Variants in PCDHGA11 observed in about 807,000 individuals in gnomAD.
The protein encoded by PCDHGA11 is protocadherin gamma subfamily A, 11, also known as protocadherin gamma-A11.
A neutral mutation model predicts 60.4 loss-of-function variants in PCDHGA11; 39 were observed. That is an observed-to-expected ratio of 0.65 (90% CI 0.50 to 0.84). The LOEUF (loss-of-function observed/expected upper bound fraction) is 0.84, where lower values mean the gene tolerates loss of function less well. Among genes scored for constraint, PCDHGA11 ranks in the 40% least tolerant of loss-of-function variants. The probability of loss-of-function intolerance (pLI) is 0.00; values close to 1 mark genes in which losing one functional copy is unlikely to be tolerated. For synonymous variants in PCDHGA11, 533 were observed against 510.3 expected (o/e 1.04, Z -0.60); for missense variants, 1,165 against 1,197.7 (o/e 0.97, Z 0.40).
intron 1 of PCDHGA11, chr5:141,427,922 G>A: frequency 6.3e-7 from 1 of 1,580,742 alleles, no homozygotes; most frequent in Non-Finnish European, 8.6e-7. Flanking sequence ...ACATGAGCCG[G>A]CGCATGTTGG....
chr5:141,473,479 G>A (rs1417960508), intron 1 of PCDHGA11, among the ~76,000 whole-genome samples: 1 of 152,118 alleles, frequency 6.6e-6, no homozygotes, highest in Non-Finnish European at 1.5e-5. Flanking sequence ...AAGTTCAATG[G>A]AAAAAATATA....
rs148331367 is a variant in PCDHGA11 at position 141,435,055 on chromosome 5, A to C, written c.2433+11395A>C. ...TTTATTTTTTTCCCATTGACCATGC[A>C]GCAGTTTTGTGTAGACCGTCTGATA... On this transcript the variant is annotated intron_variant, in intron 1 of 3. Transcript: ENST00000398587. Among the ~76,000 whole-genome samples, 21 of 152,242 alleles carry C rather than the reference A, an allele frequency of 1.4e-4. No individual in the cohort carries two copies. The East Asian group carries it at 4.0e-3, about 29-fold the overall frequency.
At chr5:141,499,548 A>G (rs1312910986) in intron 2 of PCDHGA11, among the ~76,000 whole-genome samples, 3 of 152,226 alleles carry the variant, frequency 2.0e-5, no homozygotes, top group African/African-American at 7.2e-5. Flanking sequence ...ATGAACCTGT[A>G]TGATACCACT....
At chr5:141,500,185 TTTA>T (rs549090582) in intron 2 of PCDHGA11, among the ~76,000 whole-genome samples, 1 of 55,104 alleles carries the variant, frequency 1.8e-5, no homozygotes, top group Non-Finnish European at 3.2e-5. Flanking sequence ...CATTTTTATT[TTTA>T]TTTATTTATT....
chr5:141,510,840 A>C (rs2099882997), intron 3 of PCDHGA11, 107 bp from the exon 4 acceptor site: 1 of 1,588,450 alleles, frequency 6.3e-7, no homozygotes, highest in Non-Finnish European at 8.6e-7. Context: ...CAGCGTGGTC[A>C]AGGCCCAGGG....
At chr5:141,447,798 A>G (rs2098551922) in intron 1 of PCDHGA11, among the ~76,000 whole-genome samples, 2 of 152,230 alleles carry the variant, frequency 1.3e-5, no homozygotes, top group Admixed American at 1.3e-4. Context: ...TTAAGAAAAT[A>G]AAATTGGCTG....
intron 1 of PCDHGA11, among the ~76,000 whole-genome samples, chr5:141,481,065 A>AAAAG (rs1476331686): frequency 6.6e-6 from 1 of 152,164 alleles, no homozygotes; most frequent in African/African-American, 2.4e-5. Context: ...CTCAAAAACA[A>AAAAG]AAAGAAAGAA....
chr5:141,502,667 T>G (rs2099815574), intron 2 of PCDHGA11, among the ~76,000 whole-genome samples: 1 of 152,236 alleles, frequency 6.6e-6, no homozygotes. Context: ...TTCATGCAAT[T>G]TTAGTATTCC....
Position 141,431,592 on chromosome 5 carries a change from G to A in PCDHGA11, c.2433+7932G>A, listed in dbSNP as rs1429358254. 2.5e-6 allele frequency: 4 copies of A among 1,614,100 alleles called. No individual in the cohort carries two copies. The Admixed American group carries it at 6.7e-5, about 27-fold the overall frequency. The stretch of plus-strand genomic sequence containing the variant: ...GACGAAGGAGTCAATGCGGAAGTGA[G>A]GTATTCCTTCCGGTATGTGGACGAC... On this transcript the variant is annotated intron_variant, in intron 1 of 3. Transcript: ENST00000398587. The surrounding 1 kb of genome is among the most constrained non-coding windows in gnomAD (Gnocchi z 4.8).
intron 1 of PCDHGA11, among the ~76,000 whole-genome samples, chr5:141,456,101 G>A (rs1231843666): frequency 6.6e-6 from 1 of 151,970 alleles, no homozygotes; most frequent in African/African-American, 2.4e-5. Context: ...ATTTCACCGT[G>A]TTAGCCAGGA....
intron 1 of PCDHGA11, among the ~76,000 whole-genome samples, chr5:141,463,316 T>A (rs1290852110): frequency 1.3e-5 from 2 of 151,806 alleles, no homozygotes; most frequent in African/African-American, 2.4e-5. Flanking sequence ...TAATATCTAT[T>A]CCTCAACTCA....
chr5:141,440,878 C>A (rs1359689557), intron 1 of PCDHGA11: 1 of 152,146 alleles, frequency 6.6e-6, no homozygotes, highest in Non-Finnish European at 1.5e-5. Context: ...TGTACAGCGT[C>A]GGCCTTCAGG....
intron 1 of PCDHGA11, among the ~76,000 whole-genome samples, chr5:141,435,605 C>T (rs776926758): frequency 1.1e-4 from 17 of 152,134 alleles, no homozygotes; most frequent in Non-Finnish European, 1.9e-4. Flanking sequence ...CTGCTTTTTA[C>T]ATTAAATTCC....
At chr5:141,458,630 C>T (rs575289408) in intron 1 of PCDHGA11, among the ~76,000 whole-genome samples, 1 of 151,864 alleles carries the variant, frequency 6.6e-6, no homozygotes, top group Admixed American at 6.6e-5. Flanking sequence ...AGTGCAGTGG[C>T]ACAATCCCAG....
intron 1 of PCDHGA11, among the ~76,000 whole-genome samples, chr5:141,462,769 G>T (rs1462290112): frequency 6.6e-6 from 1 of 151,956 alleles, no homozygotes; most frequent in African/African-American, 2.4e-5. Flanking sequence ...TCCTGGCTTG[G>T]GGTCATAATT....
rs2099884060 is a variant in PCDHGA11 at position 141,512,057 on chromosome 5, A to T, written c.*884A>T. 1 of 152,768 alleles carries T rather than the reference A, an allele frequency of 6.5e-6. No individual in the cohort carries two copies. Among genetic ancestry groups the T allele is most frequent in the South Asian group, 2.1e-4 (1 of 4,832 alleles). 9.5% of individuals were successfully genotyped at this position (152,768 alleles called of 1,614,324 possible). ...GGCTCTGTATGTCCTCAGGGGACTG[A>T]CAACATCCTCCAGATTCCAGCCATA... is the stretch of plus-strand genomic sequence containing the variant. On this transcript the variant is annotated 3_prime_UTR_variant, in exon 4 of 4. Coordinates refer to ENST00000398587, the MANE Select transcript of PCDHGA11 (RefSeq NM_018914.3).
chr5:141,457,172 T>C (rs1425263344), intron 1 of PCDHGA11, among the ~76,000 whole-genome samples: 1 of 152,212 alleles, frequency 6.6e-6, no homozygotes, highest in East Asian at 1.9e-4. Context: ...ATAACCCTAT[T>C]GCAAATAGTA....
intron 1 of PCDHGA11, among the ~76,000 whole-genome samples, chr5:141,451,493 T>C (rs1554137340): frequency 2.0e-5 from 3 of 152,230 alleles, no homozygotes; most frequent in Admixed American, 2.0e-4. Context: ...TGGACCTCCA[T>C]AGGGCAACCA....
rs2099695548 is a variant in PCDHGA11, at chr5:141,490,059, C to T, written c.2434-4748C>T. On this transcript the variant is annotated intron_variant, in intron 1 of 3. Coordinates refer to ENST00000398587, the MANE Select transcript of PCDHGA11 (RefSeq NM_018914.3). The surrounding 1 kb of genome is among the most constrained non-coding windows in gnomAD (Gnocchi z 5.4). ...ATGCCACTGATCCAGACGAGGGCAC[C>T]AACGGCCAACTAGACTATTCTTTTG... 1.2e-6 allele frequency: 2 copies of T among 1,614,242 alleles called. No individual in the cohort carries two copies. The highest frequency in any genetic ancestry group is 1.7e-6 in the Non-Finnish European group (2 of 1,180,030).
Sources: allele counts gnomAD v4.1 joint callset (sites outside exome capture counted in the v4.1 genomes callset), GRCh38; gene constraint gnomAD v4.1.1; non-coding constraint Gnocchi (gnomAD v3.1); transcripts MANE v1.5; gene names NCBI Gene and HGNC (gene_info 2026-07-23, HGNC 2026-07-21).